Variants in AMPH observed in about 807,000 individuals in gnomAD.
AMPH encodes amphiphysin (Stiff-Mann syndrome with breast cancer 128kD autoantigen).
In AMPH, 49 loss-of-function variants were observed where a neutral mutation model predicts 99.1. The observed-to-expected ratio is 0.49, with a 90% CI of 0.39 to 0.63. AMPH has a LOEUF of 0.63. AMPH is among the 20% of genes least tolerant of loss of function. The probability of loss-of-function intolerance (pLI) is 0.00; values close to 1 mark genes in which losing one functional copy is unlikely to be tolerated. For missense variants in AMPH, 759 were observed against 863.4 expected, an observed-to-expected ratio of 0.88 and a Z score of 1.52; for synonymous variants, 314 against 317.3, an observed-to-expected ratio of 0.99 and a Z score of 0.11.
intron 17 of AMPH, among the ~76,000 whole-genome samples, chr7:38,414,009 G>A (rs959759731): frequency 6.6e-6 from 1 of 152,216 alleles, no homozygotes; most frequent in African/African-American, 2.4e-5. Context: ...GAAACTAGGA[G>A]GCAGGAGCCA....
intron 1 of AMPH, among the ~76,000 whole-genome samples, chr7:38,614,132 G>A (rs951083428): frequency 2.0e-5 from 3 of 152,180 alleles, no homozygotes; most frequent in Non-Finnish European, 1.5e-5. Context: ...ACTGATGAGA[G>A]CTTAGCCACA....
chr7:38,535,847 C>T (rs1790579529), intron 1 of AMPH, among the ~76,000 whole-genome samples: 1 of 152,168 alleles, frequency 6.6e-6, no homozygotes. Context: ...GCTCCCTCAC[C>T]TGCTGCTCAC....
intron 2 of AMPH, among the ~76,000 whole-genome samples, chr7:38,522,516 T>G (rs550031519): frequency 2.1e-4 from 32 of 152,156 alleles, no homozygotes; most frequent in Admixed American, 1.9e-3. Context: ...GCAGAGAGAA[T>G]GCAGCAGGCA....
chr7:38,451,372 G>GTGTA (rs1787020441), intron 11 of AMPH, among the ~76,000 whole-genome samples: 4 of 147,768 alleles, frequency 2.7e-5, no homozygotes, highest in Admixed American at 1.4e-4. Context: ...ATATATATGT[G>GTGTA]TATATACACA....
At chr7:38,608,880 C>A (rs1225452671) in intron 1 of AMPH, among the ~76,000 whole-genome samples, 1 of 152,134 alleles carries the variant, frequency 6.6e-6, no homozygotes, top group Non-Finnish European at 1.5e-5. Context: ...AGAATTAGGG[C>A]AAAGGAGATA....
intron 9 of AMPH, among the ~76,000 whole-genome samples, chr7:38,463,455 T>C (rs1787533038): frequency 2.6e-5 from 4 of 152,254 alleles, no homozygotes; most frequent in African/African-American, 2.4e-5. Flanking sequence ...GTCTTAGTAA[T>C]GCAAGCCCTC....
At chr7:38,465,315 A>C (rs1018317469) in intron 9 of AMPH, 152 bp downstream of exon 9, 2 of 627,586 alleles carry the variant, frequency 3.2e-6, no homozygotes, top group Admixed American at 3.3e-5. Context: ...CATAAATGTA[A>C]AAGCACAAAA....
chr7:38,435,944 G>A (rs1261930187), intron 12 of AMPH, among the ~76,000 whole-genome samples: 1 of 152,184 alleles, frequency 6.6e-6, no homozygotes, highest in African/African-American at 2.4e-5. Context: ...AAAAGAAAGA[G>A]CTTCATCCAG....
chr7:38,537,783 G>A (rs1457260599), intron 1 of AMPH, among the ~76,000 whole-genome samples: 4 of 152,300 alleles, frequency 2.6e-5, no homozygotes, highest in East Asian at 1.9e-4. Context: ...GGTCCTGGAC[G>A]CTTCCAGAGG....
At chr7:38,552,480 T>G (rs565228294) in intron 1 of AMPH, among the ~76,000 whole-genome samples, 12 of 152,360 alleles carry the variant, frequency 7.9e-5, no homozygotes, top group African/African-American at 2.9e-4. Flanking sequence ...CATGAACTAA[T>G]AATTAGATGT....
At chr7:38,470,748 A>G (rs762630895) in intron 7 of AMPH, among the ~76,000 whole-genome samples, 13 of 152,068 alleles carry the variant, frequency 8.5e-5, no homozygotes, top group Non-Finnish European at 1.6e-4. Flanking sequence ...CTTAATAGAC[A>G]TATCTTTTTG....
rs563326351 is a variant in AMPH, at chr7:38,616,842, G to A, written c.69+14441C>T. The stretch of plus-strand genomic sequence containing the variant: ...TAGTGGCTACCTGGTAGTAGGAAGT[G>A]AGCAGAGGAGAGGAGGTATTAGCTG... On this transcript the variant is annotated intron_variant, in intron 1 of 20. Coordinates refer to ENST00000356264, the MANE Select transcript of AMPH (RefSeq NM_001635.4). Among the ~76,000 whole-genome samples the A allele has an allele frequency of 3.5e-4, 54 of 152,280 alleles. No homozygotes were observed. The South Asian group carries it at 4.6e-3, about 13-fold the overall frequency.
At chr7:38,398,095 T>C (rs1784723936) in intron 17 of AMPH, among the ~76,000 whole-genome samples, 1 of 141,762 alleles carries the variant, frequency 7.1e-6, no homozygotes, top group African/African-American at 2.7e-5. Context: ...GTGAACAGTT[T>C]GGAGGTTCCT....
At chr7:38,621,041 T>C (rs1794040998) in intron 1 of AMPH, among the ~76,000 whole-genome samples, 1 of 152,180 alleles carries the variant, frequency 6.6e-6, no homozygotes, top group Non-Finnish European at 1.5e-5. Context: ...CAATTCTCTA[T>C]TCTACAGTTC....
intron 1 of AMPH, among the ~76,000 whole-genome samples, chr7:38,624,058 A>C (rs1384166279): frequency 6.6e-6 from 1 of 152,216 alleles, no homozygotes; most frequent in Non-Finnish European, 1.5e-5. Context: ...ATGACGATGA[A>C]ACCCTTATGA....
rs200372787 is a variant in AMPH, at chr7:38,503,497, G to GC, written c.205+152_205+153insG. Among the ~76,000 whole-genome samples, 809 of 129,480 alleles carry GC rather than the reference G, an allele frequency of 6.2e-3. 23 individuals carry two copies. Among genetic ancestry groups the GC allele is most frequent in the African/African-American group, 0.021 (758 of 35,976 alleles). 84.9% of individuals were successfully genotyped at this position (129,480 alleles called of 152,430 possible). A position where few individuals can be genotyped will look rare whatever the true frequency, so the allele number is the denominator to read the frequency against. On this transcript the variant is annotated intron_variant, in intron 3 of 20. Transcript: ENST00000356264. ...ATCATTTCAATGGGAATTTGGGGCG[G>GC]GGGGGTGGGTGGTGGAATGGAACAC...
At chr7:38,472,702 G>A (rs78611850) in intron 7 of AMPH, among the ~76,000 whole-genome samples, 14,671 of 152,178 alleles carry the variant, frequency 0.096, 947 homozygotes, top group Middle Eastern at 0.2. Context: ...GGTTTTGATC[G>A]AAAGGCAGGA....
At chr7:38,582,359 A>T (rs913470209) in intron 1 of AMPH, among the ~76,000 whole-genome samples, 4 of 152,188 alleles carry the variant, frequency 2.6e-5, no homozygotes, top group African/African-American at 7.2e-5. Context: ...AAGCCTGACT[A>T]GGGTGGGTTC....
At chr7:38,577,804 G>A (rs545960470) in intron 1 of AMPH, among the ~76,000 whole-genome samples, 51 of 151,262 alleles carry the variant, frequency 3.4e-4, no homozygotes, top group Admixed American at 5.9e-4. Flanking sequence ...GGGAAAAAGA[G>A]AAAGAAGACA....
Sources: allele counts gnomAD v4.1 joint callset (sites outside exome capture counted in the v4.1 genomes callset), GRCh38; gene constraint gnomAD v4.1.1; transcripts MANE v1.5; gene names NCBI Gene and HGNC (gene_info 2026-07-23, HGNC 2026-07-21).